FAM120C: variants seen among roughly 807,000 people sequenced by gnomAD.
FAM120C encodes the protein constitutive coactivator of PPAR-gamma-like protein 2.
A neutral mutation model predicts 71.2 loss-of-function variants in FAM120C; 14 were observed. The ratio of observed to expected loss-of-function variants is 0.20; its 90% CI spans 0.13 to 0.31. The LOEUF (loss-of-function observed/expected upper bound fraction) is 0.31, where lower values mean the gene tolerates loss of function less well. Ranked by LOEUF, FAM120C falls within the 10% of genes least tolerant of loss-of-function variation. The pLI is 1.00. For synonymous variants in FAM120C, 354 were observed against 353.2 expected (o/e 1.00, Z -0.03); for missense variants, 500 against 879.0 (o/e 0.57, Z 5.45).
chrX:54,179,996 A>G (rs541069236), intron 1 of FAM120C, among the ~76,000 whole-genome samples: 1 of 112,236 alleles, frequency 8.9e-6, no homozygotes, highest in Non-Finnish European at 1.9e-5. Context: ...AGATTCTACT[A>G]TTTTTACTAT....
At chrX:54,143,529 T>C (rs1441441574) in intron 4 of FAM120C, among the ~76,000 whole-genome samples, 1 of 112,639 alleles carries the variant, frequency 8.9e-6, no homozygotes, top group African/African-American at 3.2e-5. Context: ...CAGAGAATAC[T>C]ATAAACACCT....
intron 15 of FAM120C, among the ~76,000 whole-genome samples, chrX:54,079,130 C>G (rs1416023146): frequency 9.2e-6 from 1 of 108,214 alleles, no homozygotes; most frequent in African/African-American, 3.4e-5. Context: ...GGCGTGGTGG[C>G]GGGTGCCTGT....
Position 54,071,990 on chromosome X carries a change from A to G in FAM120C, c.*1043T>C, listed in dbSNP as rs950776242. 1.9e-5 allele frequency: 2 copies of G among 104,227 alleles called. No homozygotes were observed. Among genetic ancestry groups the G allele is most frequent in the Middle Eastern group, 4.4e-3 (1 of 227 alleles). The allele number at this position is 104,227 out of a possible 1,213,427, so 8.6% of individuals were successfully genotyped here. ...TATGTGTGTATATATGTGTGTATAT[A>G]TATATACACACATATATACACACAT... On this transcript the variant is annotated 3_prime_UTR_variant, in exon 16 of 16. Coordinates refer to ENST00000375180, the MANE Select transcript of FAM120C (RefSeq NM_017848.6).
Position 54,134,881 on chromosome X carries a change from A to G in FAM120C, c.1566T>C (p.Ser522=). 8.3e-7 allele frequency: 1 copy of G among 1,211,666 alleles called. No homozygotes were observed. ...CACCATCAGAGGAAGAGGAGTGGGA[A>G]GAGTCTGGTCCCAAAGGAGGTGAGG... is the stretch of plus-strand genomic sequence containing the variant. ...SKASPPLGPD[S]SHSSSSDGDE... The change falls in exon 7 of 16, where the codon TCT becomes TCC. Residue 522 remains serine (S), a synonymous_variant. Coordinates refer to ENST00000375180, the MANE Select transcript of FAM120C (RefSeq NM_017848.6).
intron 10 of FAM120C, among the ~76,000 whole-genome samples, chrX:54,111,942 A>T (rs782006997): frequency 8.9e-6 from 1 of 112,506 alleles, no homozygotes; most frequent in South Asian, 3.6e-4. Context: ...AGACACATAG[A>T]TCAATGGAAC....
intron 10 of FAM120C, among the ~76,000 whole-genome samples, chrX:54,106,870 G>C (rs2066909425): frequency 8.9e-6 from 1 of 111,801 alleles, no homozygotes; most frequent in South Asian, 3.7e-4. Context: ...ACACCAGTTA[G>C]AATGGTGATC....
chrX:54,118,453 C>G (rs1557127027), intron 9 of FAM120C, among the ~76,000 whole-genome samples: 1 of 109,813 alleles, frequency 9.1e-6, no homozygotes, highest in Non-Finnish European at 1.9e-5. Context: ...GTCTTTATTT[C>G]TCTAATATAA....
At chrX:54,142,290 G>T (rs997933754) in intron 4 of FAM120C, among the ~76,000 whole-genome samples, 2 of 112,085 alleles carry the variant, frequency 1.8e-5, no homozygotes, top group African/African-American at 6.5e-5. Flanking sequence ...TGCCTCACCT[G>T]GGAAGCGCAA....
chrX:54,177,734 C>T (rs1362256148), intron 1 of FAM120C, among the ~76,000 whole-genome samples: 2 of 111,208 alleles, frequency 1.8e-5, no homozygotes, highest in East Asian at 5.6e-4. Context: ...CTTAAAGCCA[C>T]AATAATGGAT....
At chrX:54,092,985 TGACTTAATACACA>T (rs1201274367) in intron 10 of FAM120C, among the ~76,000 whole-genome samples, 3 of 112,219 alleles carry the variant, frequency 2.7e-5, no homozygotes, top group Admixed American at 9.6e-5. Flanking sequence ...AATACTTGAC[TGACTTAATACACA>T]GAAAACACAT....
At chrX:54,129,236 C>T (rs1222816057) in intron 9 of FAM120C, among the ~76,000 whole-genome samples, 137 of 108,545 alleles carry the variant, frequency 1.3e-3, no homozygotes, top group African/African-American at 4.5e-3. Flanking sequence ...GGGTGGCTGC[C>T]GGGCGGAGGG....
At chrX:54,168,298 GGTTA>G (rs1366221415) in intron 1 of FAM120C, among the ~76,000 whole-genome samples, 1 of 111,159 alleles carries the variant, frequency 9.0e-6, no homozygotes, top group Non-Finnish European at 1.9e-5. Flanking sequence ...CGCCATGCCT[GGTTA>G]ATTTTTGATT....
chrX:54,129,556 G>GCTC (rs2067051889), intron 9 of FAM120C, among the ~76,000 whole-genome samples: 1 of 107,614 alleles, frequency 9.3e-6, no homozygotes. Flanking sequence ...AGGCAGAGGG[G>GCTC]CTCCTCACAT....
chrX:54,131,784 C>T (rs1348385372), intron 9 of FAM120C, among the ~76,000 whole-genome samples: 17 of 101,891 alleles, frequency 1.7e-4, no homozygotes, highest in Non-Finnish European at 3.1e-4. Context: ...TTTTTTGAGA[C>T]GGAGTCTGGC....
intron 5 of FAM120C, 128 bp downstream of exon 5, chrX:54,136,363 G>C (rs927947494): frequency 1.1e-5 from 5 of 475,723 alleles, no homozygotes; most frequent in Non-Finnish European, 1.9e-5. Context: ...CTACCAAACA[G>C]GGATGAGGAA....
At chrX:54,155,665 A>T (rs1046139507) in intron 3 of FAM120C, among the ~76,000 whole-genome samples, 29 of 1,555 alleles carry the variant, frequency 0.019, no homozygotes, top group African/African-American at 0.026. Flanking sequence ...GGCTTTTTTA[A>T]AAAAAAAATA....
At chrX:54,090,257 G>A (rs782054273) in intron 11 of FAM120C, among the ~76,000 whole-genome samples, 16 of 100,615 alleles carry the variant, frequency 1.6e-4, no homozygotes, top group African/African-American at 5.5e-4. Context: ...TTGAGACAGA[G>A]TTTCACTCTT....
chrX:54,075,837 G>A (rs1021182775), intron 15 of FAM120C, among the ~76,000 whole-genome samples: 27 of 106,016 alleles, frequency 2.5e-4, no homozygotes, highest in South Asian at 8.3e-4. Flanking sequence ...AGGCCTGGCC[G>A]GGTGTGGTAG....
At chrX:54,180,819 A>T (rs1380729318) in intron 1 of FAM120C, among the ~76,000 whole-genome samples, 1 of 110,677 alleles carries the variant, frequency 9.0e-6, no homozygotes, top group African/African-American at 3.3e-5. Flanking sequence ...AATTTTTTTT[A>T]AAAGAAGTGC....
Sources: allele counts gnomAD v4.1 joint callset (sites outside exome capture counted in the v4.1 genomes callset), GRCh38; gene constraint gnomAD v4.1.1; transcripts MANE v1.5; gene names NCBI Gene and HGNC (gene_info 2026-07-23, HGNC 2026-07-21).